Variants in CNBD1 observed in about 807,000 individuals in gnomAD.
The protein encoded by CNBD1 is cyclic nucleotide binding domain containing 1, also known as cyclic nucleotide-binding domain-containing protein 1.
Under a neutral mutation model 54.4 loss-of-function variants are expected in CNBD1, and 71 were observed. That is an observed-to-expected ratio of 1.30 (90% confidence interval 1.08 to 1.59). The LOEUF (loss-of-function observed/expected upper bound fraction) is 1.59, where lower values mean the gene tolerates loss of function less well. Among genes scored for constraint, CNBD1 ranks in the 40% most tolerant of loss-of-function variants. CNBD1 has a pLI of 0.00. For missense variants in CNBD1, 659 were observed against 518.0 expected (o/e 1.27, Z -2.64); for synonymous variants, 182 against 170.7 (o/e 1.07, Z -0.51).
At chr8:87,184,124 G>A (rs2130779990) in intron 4 of CNBD1, among the ~76,000 whole-genome samples, 1 of 152,328 alleles carries the variant, frequency 6.6e-6, no homozygotes, top group Non-Finnish European at 1.5e-5. Flanking sequence ...GTTGGCTGTT[G>A]GGGGTAGTGT....
intron 6 of CNBD1, among the ~76,000 whole-genome samples, chr8:87,270,874 G>A (rs1417153741): frequency 1.3e-5 from 2 of 151,582 alleles, no homozygotes; most frequent in Non-Finnish European, 2.9e-5. Context: ...ATTTTTGTTA[G>A]AATACAGCAG....
chr8:87,292,421 T>A (rs1463808469), intron 8 of CNBD1, among the ~76,000 whole-genome samples: 1 of 152,206 alleles, frequency 6.6e-6, no homozygotes, highest in Non-Finnish European at 1.5e-5. Context: ...CTAATTTTTA[T>A]TTTTGGTCAT....
rs10671983 is a variant in CNBD1, at chr8:86,940,132, C to CTTTTTTTTTTTTTTTTTTTTTTT, written c.431+397_431+398insTTTTTTTTTTTTTTTTTTTTTTT. Among the ~76,000 whole-genome samples, 18 of 88,732 alleles carry CTTTTTTTTTTTTTTTTTTTTTTT rather than the reference C, an allele frequency of 2.0e-4. 2 individuals are homozygous for CTTTTTTTTTTTTTTTTTTTTTTT. Among genetic ancestry groups the CTTTTTTTTTTTTTTTTTTTTTTT allele is most frequent in the African/African-American group, 5.9e-4 (13 of 21,932 alleles). 58.2% of individuals were successfully genotyped at this position (88,732 alleles called of 152,430 possible). On this transcript the variant is annotated intron_variant, in intron 4 of 10. Transcript: ENST00000518476. ...CTTTAAATAAACTTACCACATGTTACTTTTTTTTTTTTTTTTTTTGAGACT... is the reference window on the plus strand; with the variant it reads ...CTTTAAATAAACTTACCACATGTTACTTTTTTTTTTTTTTTTTTTTTTTTTTTTTTTTTTTTTTTTTTGAGACT...
At chr8:87,093,799 C>T (rs1006481865) in intron 4 of CNBD1, among the ~76,000 whole-genome samples, 2 of 152,224 alleles carry the variant, frequency 1.3e-5, no homozygotes, top group South Asian at 4.1e-4. Flanking sequence ...ATATAAGAAA[C>T]GTCTTCCATT....
At chr8:87,363,252 C>T (rs552999867) in intron 10 of CNBD1, among the ~76,000 whole-genome samples, 24 of 152,070 alleles carry the variant, frequency 1.6e-4, no homozygotes, top group Non-Finnish European at 3.1e-4. Context: ...TCCAGTCTAT[C>T]AATTGGGTTG....
chr8:87,285,891 A>C (rs1017086426), intron 7 of CNBD1, among the ~76,000 whole-genome samples: 1 of 152,164 alleles, frequency 6.6e-6, no homozygotes, highest in South Asian at 2.1e-4. Flanking sequence ...AAATAAATAA[A>C]AAATAATGGG....
intron 4 of CNBD1, among the ~76,000 whole-genome samples, chr8:86,944,958 C>G (rs2130435701): frequency 6.6e-6 from 1 of 152,274 alleles, no homozygotes; most frequent in East Asian, 1.9e-4. Flanking sequence ...ACTGAACAGA[C>G]AGTCCTTGAA....
chr8:87,055,847 TCCTCCCTC>T (rs1321334179), intron 4 of CNBD1, among the ~76,000 whole-genome samples: 2 of 145,230 alleles, frequency 1.4e-5, no homozygotes, highest in East Asian at 4.2e-4. Context: ...TTTCCTTCCT[TCCTCCCTC>T]CCTCCCTCCT....
intron 5 of CNBD1, among the ~76,000 whole-genome samples, chr8:87,228,705 C>T (rs1259659973): frequency 2.0e-5 from 3 of 151,826 alleles, no homozygotes. Flanking sequence ...TTTGTCTGTG[C>T]CCTGCCCCCA....
intron 5 of CNBD1, 76 bp downstream of exon 5, chr8:87,206,214 C>G (rs1813972272): frequency 1.8e-6 from 2 of 1,113,402 alleles, no homozygotes; most frequent in Admixed American, 6.3e-5. Flanking sequence ...CATTATAATG[C>G]TTATAATTTC....
intron 3 of CNBD1, among the ~76,000 whole-genome samples, chr8:86,937,145 G>C (rs1330663492): frequency 6.6e-6 from 1 of 152,208 alleles, no homozygotes; most frequent in East Asian, 1.9e-4. Context: ...GTGGAGGAGG[G>C]GCAAAGTCAC....
At chr8:87,269,649 G>A (rs1808324769) in intron 6 of CNBD1, among the ~76,000 whole-genome samples, 1 of 151,926 alleles carries the variant, frequency 6.6e-6, no homozygotes, top group African/African-American at 2.4e-5. Flanking sequence ...TTCATAAGCT[G>A]CATTCCTATG....
At chr8:87,400,414 G>GA (rs1320638182) in intron 2 of CNBD1, among the ~76,000 whole-genome samples, 2 of 151,852 alleles carry the variant, frequency 1.3e-5, no homozygotes, top group Admixed American at 6.6e-5. Flanking sequence ...AAACTGAAAA[G>GA]AAAAAATCAA....
chr8:86,908,762 T>C (rs1809055362), intron 3 of CNBD1, among the ~76,000 whole-genome samples: 1 of 151,332 alleles, frequency 6.6e-6, no homozygotes, highest in Admixed American at 6.6e-5. Context: ...TTAACAATGT[T>C]GTGATTATCA....
At chr8:86,938,595 T>G (rs1809593340) in intron 3 of CNBD1, among the ~76,000 whole-genome samples, 1 of 152,130 alleles carries the variant, frequency 6.6e-6, no homozygotes, top group Admixed American at 6.5e-5. Flanking sequence ...GAACTCTCCT[T>G]TATAAAACCA....
At chr8:87,369,137 G>C (rs745731912) in intron 10 of CNBD1, among the ~76,000 whole-genome samples, 26 of 151,680 alleles carry the variant, frequency 1.7e-4, no homozygotes, top group Non-Finnish European at 2.5e-4. Flanking sequence ...TATAAATTTT[G>C]GCTAGATTTT....
At chr8:87,403,781 G>A (rs955555046) in intron 2 of CNBD1, among the ~76,000 whole-genome samples, 3 of 151,792 alleles carry the variant, frequency 2.0e-5, no homozygotes, top group Admixed American at 6.6e-5. Flanking sequence ...ATTTCAAGAT[G>A]TGTTTTTTAT....
At chr8:87,292,330 G>A (rs1053308949) in intron 8 of CNBD1, among the ~76,000 whole-genome samples, 2 of 152,150 alleles carry the variant, frequency 1.3e-5, no homozygotes, top group Non-Finnish European at 2.9e-5. Context: ...ACGGCATTAA[G>A]GACAGCAATA....
intron 4 of CNBD1, among the ~76,000 whole-genome samples, chr8:86,951,709 T>G (rs1246980251): frequency 6.6e-6 from 1 of 151,592 alleles, no homozygotes; most frequent in African/African-American, 2.4e-5. Context: ...TAATTTACAG[T>G]TATTTTAATT....
Sources: allele counts gnomAD v4.1 joint callset (sites outside exome capture counted in the v4.1 genomes callset), GRCh38; gene constraint gnomAD v4.1.1; transcripts MANE v1.5; gene names NCBI Gene and HGNC (gene_info 2026-07-23, HGNC 2026-07-21).